The following KCNMA1 variants were observed in gnomAD, a reference collection of about 807,000 sequenced individuals.
The protein encoded by KCNMA1 is potassium calcium-activated channel subfamily M alpha 1, also known as Calcium-activated potassium channel subunit alpha-1.
In KCNMA1, 29 loss-of-function variants were observed where a neutral mutation model predicts 140.0. The ratio of observed to expected loss-of-function variants is 0.21; its 90% CI spans 0.15 to 0.28. The LOEUF (loss-of-function observed/expected upper bound fraction) is 0.28, where lower values mean the gene tolerates loss of function less well. Among genes scored for constraint, KCNMA1 ranks in the 10% least tolerant of loss-of-function variants. The probability of loss-of-function intolerance (pLI) is 1.00; values close to 1 mark genes in which losing one functional copy is unlikely to be tolerated. For missense variants in KCNMA1, 880 were observed against 1,602.2 expected, an observed-to-expected ratio of 0.55 and a Z score of 7.70; for synonymous variants, 612 against 611.9, an observed-to-expected ratio of 1.00 and a Z score of 0.00.
chr10:77,207,658 G>A (rs760443928), intron 3 of KCNMA1, among the ~76,000 whole-genome samples: 4 of 152,146 alleles, frequency 2.6e-5, no homozygotes, highest in African/African-American at 9.7e-5. Flanking sequence ...GCTGCTACTG[G>A]TGACTAACTG....
intron 1 of KCNMA1, among the ~76,000 whole-genome samples, chr10:77,421,145 A>T (rs772622347): frequency 1.3e-5 from 2 of 152,238 alleles, no homozygotes; most frequent in African/African-American, 2.4e-5. Context: ...AATACTGGAC[A>T]TTCTTGCATT....
chr10:77,467,127 GA>G (rs2098039207), intron 1 of KCNMA1, among the ~76,000 whole-genome samples: 1 of 152,150 alleles, frequency 6.6e-6, no homozygotes, highest in Non-Finnish European at 1.5e-5. Flanking sequence ...ACCTCCATTT[GA>G]TGTGCACCAT....
At chr10:77,427,044 C>T (rs2097019143) in intron 1 of KCNMA1, among the ~76,000 whole-genome samples, 1 of 152,210 alleles carries the variant, frequency 6.6e-6, no homozygotes, top group South Asian at 2.1e-4. Context: ...TCATAATCCA[C>T]TTAGAAAATT....
chr10:77,205,740 A>G (rs1246850776), intron 3 of KCNMA1, among the ~76,000 whole-genome samples: 1 of 152,178 alleles, frequency 6.6e-6, no homozygotes, highest in African/African-American at 2.4e-5. Flanking sequence ...CTCTCATATC[A>G]GCCTAGATTT....
At chr10:77,151,194 GTCTC>G (rs1022440570) in intron 5 of KCNMA1, among the ~76,000 whole-genome samples, 7 of 39,552 alleles carry the variant, frequency 1.8e-4, no homozygotes, top group East Asian at 1.0e-3. Context: ...TTCTTTCCCT[GTCTC>G]TCTCTCTCTC....
chr10:77,479,979 T>C (rs1245823822), intron 1 of KCNMA1, among the ~76,000 whole-genome samples: 4 of 152,208 alleles, frequency 2.6e-5, no homozygotes, highest in African/African-American at 4.8e-5. Context: ...TACTTGACAC[T>C]TCAGATCTCA....
Position 77,501,274 on chromosome 10 carries a change from G to A in KCNMA1, c.379-97251C>T, listed in dbSNP as rs140118575. 4.9e-4 allele frequency among the ~76,000 whole-genome samples: 74 copies of A among 152,330 alleles called. 1 individual carries two copies. The highest frequency in any genetic ancestry group is 3.5e-3 in the South Asian group (17 of 4,826). On this transcript the variant is annotated intron_variant, in intron 1 of 27. Transcript: ENST00000286628. ...GGACACAGGCTCACAGTGCCTGCAC[G>A]GTGTGAGCACTCATTGATGGCTTGC...
At chr10:77,000,180 C>G (rs559310987) in intron 19 of KCNMA1, among the ~76,000 whole-genome samples, 21 of 152,276 alleles carry the variant, frequency 1.4e-4, no homozygotes, top group African/African-American at 5.1e-4. Flanking sequence ...GGTGAGAGGA[C>G]AGGGAGCAAG....
intron 1 of KCNMA1, among the ~76,000 whole-genome samples, chr10:77,556,248 T>C (rs2064320968): frequency 6.6e-6 from 1 of 152,130 alleles, no homozygotes; most frequent in Non-Finnish European, 1.5e-5. Flanking sequence ...GCTCATGCTG[T>C]AATCCCAGCA....
intron 3 of KCNMA1, among the ~76,000 whole-genome samples, chr10:77,187,578 C>T (rs1176665812): frequency 1.3e-5 from 2 of 152,144 alleles, no homozygotes; most frequent in African/African-American, 2.4e-5. Context: ...TAAATGATGC[C>T]GCTGGCGCGG....
At chr10:76,941,427 G>A (rs184832068) in intron 23 of KCNMA1, among the ~76,000 whole-genome samples, 4 of 152,336 alleles carry the variant, frequency 2.6e-5, no homozygotes, top group Non-Finnish European at 5.9e-5. Flanking sequence ...AGCCCAAGGA[G>A]TGGAGTGCTG....
At chr10:76,982,396 T>C (rs868208670) in intron 19 of KCNMA1, among the ~76,000 whole-genome samples, 8 of 148,614 alleles carry the variant, frequency 5.4e-5, no homozygotes, top group African/African-American at 7.4e-5. Context: ...AATAGAGAGG[T>C]CCCGTATATC....
chr10:77,362,598 A>C (rs1351984730), intron 2 of KCNMA1, among the ~76,000 whole-genome samples: 1 of 151,878 alleles, frequency 6.6e-6, no homozygotes, highest in Non-Finnish European at 1.5e-5. Context: ...CTTTCAATAA[A>C]TGTGAAATGC....
chr10:77,001,885 GGAA>G (rs1231032382), intron 18 of KCNMA1, among the ~76,000 whole-genome samples: 1 of 152,132 alleles, frequency 6.6e-6, no homozygotes, highest in Non-Finnish European at 1.5e-5. Context: ...TTCTCAAATG[GGAA>G]GAAGAGCAAA....
At chr10:77,500,885 CG>C (rs2043618016) in intron 1 of KCNMA1, among the ~76,000 whole-genome samples, 1 of 152,166 alleles carries the variant, frequency 6.6e-6, no homozygotes, top group Admixed American at 6.5e-5. Flanking sequence ...GAAACTGAGA[CG>C]GGATGATGAG....
At chr10:77,126,747 C>T (rs1043757569) in intron 5 of KCNMA1, among the ~76,000 whole-genome samples, 2 of 142,650 alleles carry the variant, frequency 1.4e-5, no homozygotes, top group African/African-American at 5.2e-5. Context: ...CCACCACACA[C>T]AAATGCTGGC....
At chr10:77,057,958 A>G (rs2095601607) in intron 14 of KCNMA1, among the ~76,000 whole-genome samples, 1 of 151,974 alleles carries the variant, frequency 6.6e-6, no homozygotes, top group Admixed American at 6.6e-5. Context: ...ACCAATTAAG[A>G]AAGAGAGATT....
intron 3 of KCNMA1, among the ~76,000 whole-genome samples, chr10:77,215,746 A>G (rs185973474): frequency 1.1e-3 from 169 of 152,212 alleles, no homozygotes; most frequent in Non-Finnish European, 2.2e-3. Context: ...GTGTTATGGC[A>G]TTTGGAGGTG....
intron 2 of KCNMA1, among the ~76,000 whole-genome samples, chr10:77,391,059 G>C (rs1337642257): frequency 6.6e-6 from 1 of 152,186 alleles, no homozygotes; most frequent in Non-Finnish European, 1.5e-5. Context: ...CAGCCTGTTT[G>C]CTAAAAGTCT....
Sources: allele counts gnomAD v4.1 joint callset (sites outside exome capture counted in the v4.1 genomes callset), GRCh38; gene constraint gnomAD v4.1.1; transcripts MANE v1.5; gene names NCBI Gene and HGNC (gene_info 2026-07-23, HGNC 2026-07-21).